The following FBN1 variants were observed in gnomAD, a reference collection of about 807,000 sequenced individuals.
The protein encoded by FBN1 is fibrillin-1.
In FBN1, 29 loss-of-function variants were observed where a neutral mutation model predicts 365.1. The observed-to-expected ratio is 0.08, with a 90% confidence interval of 0.06 to 0.11. The LOEUF (loss-of-function observed/expected upper bound fraction) is 0.11. FBN1 is among the 10% of genes least tolerant of loss of function. The pLI is 1.00. For missense variants in FBN1, 2,476 were observed against 3,703.2 expected (o/e 0.67, Z 8.60); for synonymous variants, 1,210 against 1,270.5 (o/e 0.95, Z 1.01).
chr15:48,596,849 T>G (rs1206588106), intron 5 of FBN1, among the ~76,000 whole-genome samples: 1 of 152,258 alleles, frequency 6.6e-6, no homozygotes, highest in African/African-American at 2.4e-5. Context: ...TTCAGTAATT[T>G]AAGTACCATA....
chr15:48,629,987 C>G (rs1174654545), intron 2 of FBN1, among the ~76,000 whole-genome samples: 2 of 152,222 alleles, frequency 1.3e-5, no homozygotes, highest in Non-Finnish European at 2.9e-5. Flanking sequence ...CATGTTAAAT[C>G]AGTGGCAAGA....
chr15:48,586,538 A>T (rs2044436425), intron 6 of FBN1, among the ~76,000 whole-genome samples: 1 of 152,204 alleles, frequency 6.6e-6, no homozygotes, highest in Non-Finnish European at 1.5e-5. Context: ...ATGCACACTG[A>T]CCACATCAAG....
intron 42 of FBN1, among the ~76,000 whole-genome samples, chr15:48,461,123 T>C (rs1283776153): frequency 6.6e-6 from 1 of 152,188 alleles, no homozygotes; most frequent in Non-Finnish European, 1.5e-5. Flanking sequence ...GTTATTCTCC[T>C]TGTGTTTTGT....
intron 6 of FBN1, among the ~76,000 whole-genome samples, chr15:48,589,852 G>A (rs1339407841): frequency 6.6e-6 from 1 of 152,042 alleles, no homozygotes; most frequent in African/African-American, 2.4e-5. Context: ...TCCTGACCTC[G>A]TGATTCGCCT....
At chr15:48,489,197 G>A (rs900159550) in intron 25 of FBN1, among the ~76,000 whole-genome samples, 1 of 123,176 alleles carries the variant, frequency 8.1e-6, no homozygotes, top group Non-Finnish European at 1.6e-5. Flanking sequence ...ACCATGCCTA[G>A]ATATTTTTTT....
chr15:48,532,320 T>C (rs1363663735), intron 8 of FBN1, among the ~76,000 whole-genome samples: 1 of 152,240 alleles, frequency 6.6e-6, no homozygotes, highest in Non-Finnish European at 1.5e-5. Flanking sequence ...GCTGAATATA[T>C]TAAACTGAGA....
intron 2 of FBN1, among the ~76,000 whole-genome samples, chr15:48,629,277 T>C (rs1889941415): frequency 6.6e-6 from 1 of 152,182 alleles, no homozygotes; most frequent in South Asian, 2.1e-4. Context: ...AACAGGAGTT[T>C]GTGGACTGGC....
At chr15:48,472,284 C>T (rs2043382439) in intron 35 of FBN1, among the ~76,000 whole-genome samples, 1 of 152,106 alleles carries the variant, frequency 6.6e-6, no homozygotes, top group African/African-American at 2.4e-5. Flanking sequence ...ACTTGGTTAC[C>T]CTCATTGACC....
At chr15:48,559,513 C>A (rs191011391) in intron 6 of FBN1, among the ~76,000 whole-genome samples, 1 of 152,270 alleles carries the variant, frequency 6.6e-6, no homozygotes, top group Admixed American at 6.5e-5. Flanking sequence ...GAGCCAGGGT[C>A]CGGAGCAAAG....
At chr15:48,625,257 C>T (rs1022653318) in intron 2 of FBN1, among the ~76,000 whole-genome samples, 3 of 152,168 alleles carry the variant, frequency 2.0e-5, no homozygotes, top group Admixed American at 6.5e-5. Context: ...AGTCTCTCAG[C>T]TGCATTATCA....
intron 60 of FBN1, 106 bp from the exon 61 acceptor site, chr15:48,422,174 C>A: frequency 1.3e-6 from 1 of 774,408 alleles, no homozygotes; most frequent in East Asian, 2.6e-5. Flanking sequence ...TCTCAAATGA[C>A]CCTGACTAGA....
Position 48,487,344 on chromosome 15 carries a change from T to A in FBN1, c.3431A>T (p.His1144Leu). ...CGCGGAGATGTTGGGGGACAGCTGA[T>A]GGCCAGGCGGGCATTCACAGCGGTA... is the stretch of plus-strand genomic sequence containing the variant. ...GSYRCECPPG[H>L]QLSPNISACI... Residue 1144 changes from histidine (H) to leucine (L), a missense_variant, in exon 28 of 66, where the codon CAT becomes CTT. By Grantham distance (99) the His-to-Leu change is moderately conservative. Coordinates refer to ENST00000316623, the MANE Select transcript of FBN1 (RefSeq NM_000138.5). 6.2e-7 allele frequency: 1 copy of A among 1,614,238 alleles called. No homozygotes were observed. The highest frequency in any genetic ancestry group is 8.5e-7 in the Non-Finnish European group (1 of 1,180,044).
intron 2 of FBN1, chr15:48,641,146 T>C (rs1008735657): frequency 6.6e-6 from 1 of 152,142 alleles, no homozygotes; most frequent in African/African-American, 2.4e-5. Flanking sequence ...GCAGAGTAGA[T>C]GGGGACCACA....
chr15:48,575,295 C>G (rs1416312348), intron 6 of FBN1, among the ~76,000 whole-genome samples: 1 of 151,722 alleles, frequency 6.6e-6, no homozygotes, highest in Non-Finnish European at 1.5e-5. Flanking sequence ...CTTTAGAGCT[C>G]CGCTCAATTC....
rs1233944861 is a variant in FBN1, at chr15:48,644,925, C to T, written c.-156G>A. ...CTCCTCCCGCCTTCTCCAGGCGCTG[C>T]TCCCACTTCAGGCGGCCCCTGCCAG... On this transcript the variant is annotated 5_prime_UTR_variant, in exon 2 of 66. Transcript: ENST00000316623. 10 of 642,092 alleles carry T rather than the reference C, an allele frequency of 1.6e-5. No individual in the cohort carries two copies. The South Asian group carries it at 2.8e-4, about 18-fold the overall frequency. The allele number at this position is 642,092 out of a possible 1,614,324, so 39.8% of individuals were successfully genotyped here. A position where few individuals can be genotyped will look rare whatever the true frequency, so the allele number is the denominator to read the frequency against.
At chr15:48,598,439 A>G (rs921110041) in intron 5 of FBN1, among the ~76,000 whole-genome samples, 2 of 152,134 alleles carry the variant, frequency 1.3e-5, no homozygotes, top group African/African-American at 4.8e-5. Flanking sequence ...TTGTGGTCTC[A>G]CTCTTCTTTC....
chr15:48,449,716 C>T (rs2043186015), intron 45 of FBN1, among the ~76,000 whole-genome samples: 1 of 152,130 alleles, frequency 6.6e-6, no homozygotes, highest in South Asian at 2.1e-4. Context: ...GAGCACTGTG[C>T]CATTCTGATT....
At chr15:48,596,894 C>G (rs548526744) in intron 5 of FBN1, among the ~76,000 whole-genome samples, 1 of 152,184 alleles carries the variant, frequency 6.6e-6, no homozygotes, top group African/African-American at 2.4e-5. Flanking sequence ...ACAGAACTTA[C>G]GGAAACTATT....
chr15:48,534,876 C>T (rs117461519), intron 7 of FBN1, among the ~76,000 whole-genome samples: 4,485 of 152,262 alleles, frequency 0.029, 95 homozygotes, highest in Non-Finnish European at 0.041. Flanking sequence ...GCACAGTGGC[C>T]ACCAGAAGCC....
Sources: allele counts gnomAD v4.1 joint callset (sites outside exome capture counted in the v4.1 genomes callset), GRCh38; gene constraint gnomAD v4.1.1; transcripts MANE v1.5; gene names NCBI Gene and HGNC (gene_info 2026-07-23, HGNC 2026-07-21).